DCAF6: variants seen among roughly 807,000 people sequenced by gnomAD.
DCAF6 encodes the protein DDB1- and CUL4-associated factor 6.
Under a neutral mutation model 125.1 loss-of-function variants are expected in DCAF6, and 54 were observed. That is an observed-to-expected ratio of 0.43 (90% CI 0.35 to 0.54). DCAF6 has a LOEUF of 0.54. Among genes scored for constraint, DCAF6 ranks in the 20% least tolerant of loss-of-function variants. DCAF6 has a pLI of 0.01. For missense variants in DCAF6, 934 were observed against 1,161.7 expected, an observed-to-expected ratio of 0.80 and a Z score of 2.85; for synonymous variants, 371 against 390.4, an observed-to-expected ratio of 0.95 and a Z score of 0.58.
the DCAF6 span, among the ~76,000 whole-genome samples, chr1:167,921,830 G>A: frequency 2.6e-5 from 4 of 152,018 alleles, no homozygotes; most frequent in African/African-American, 9.7e-5. Flanking sequence ...AAAAGATTTA[G>A]CTTTAAAAAA....
chr1:167,875,344 C>T, the DCAF6 span, among the ~76,000 whole-genome samples: 5 of 152,030 alleles, frequency 3.3e-5, no homozygotes, highest in East Asian at 1.9e-4. Flanking sequence ...GAAGGAGAAA[C>T]GAGAAGGTCT....
At chr1:167,893,256 T>C in the DCAF6 span, among the ~76,000 whole-genome samples, 13 of 152,316 alleles carry the variant, frequency 8.5e-5, no homozygotes, top group African/African-American at 2.2e-4. Flanking sequence ...ATAGAAAGGG[T>C]GCCCGCATGT....
chr1:167,995,128 A>G (rs1681457480), intron 7 of DCAF6, among the ~76,000 whole-genome samples: 1 of 152,190 alleles, frequency 6.6e-6, no homozygotes, highest in South Asian at 2.1e-4. Context: ...ACTGCTATGC[A>G]AATTTCCCCT....
chr1:167,988,506 A>C (rs772724789), intron 5 of DCAF6, among the ~76,000 whole-genome samples: 1 of 152,186 alleles, frequency 6.6e-6, no homozygotes, highest in Non-Finnish European at 1.5e-5. Flanking sequence ...CTGAGAAATC[A>C]TTCAGTCTTT....
At chr1:168,002,379 A>C (rs1682770579) in intron 7 of DCAF6, 103 bp from the exon 8 acceptor site, 1 of 974,792 alleles carries the variant, frequency 1.0e-6, no homozygotes, top group Non-Finnish European at 1.6e-6. Flanking sequence ...TTGCATACTC[A>C]AGAAGTAGGG....
At position 168,075,428 on chromosome 1, in the gene DCAF6, A is replaced by G; in HGVS notation, c.2849A>G (p.Glu950Gly). The G allele has an allele frequency of 6.3e-7, 1 of 1,598,642 alleles. No homozygotes were observed. Among genetic ancestry groups the G allele is most frequent in the Non-Finnish European group, 8.5e-7 (1 of 1,175,758 alleles). ...GGTCAAGAGAATGAAAATGAGGATG[A>G]GGAATAATAAACTCTTTTTGGCAAG... ...GSGQENENED[E>G]E The change falls in exon 22 of 22, where the codon GAG becomes GGG. Residue 950 changes from glutamate to glycine, a missense_variant. Around this residue, in one of 5 missense-constraint regions of DCAF6, gnomAD observed 36 missense variants for 39.8 expected, o/e 0.91. Transcript: ENST00000367840.
intron 7 of DCAF6, 149 bp from the exon 8 acceptor site, chr1:168,002,331 TTA>T: frequency 1.7e-6 from 1 of 603,284 alleles, no homozygotes; most frequent in Non-Finnish European, 2.9e-6. Flanking sequence ...AGACTGACGC[TTA>T]TACCAGTGTC....
At chr1:167,986,034 T>C (rs1237678524) in intron 4 of DCAF6, among the ~76,000 whole-genome samples, 1 of 152,240 alleles carries the variant, frequency 6.6e-6, no homozygotes, top group African/African-American at 2.4e-5. Context: ...TTTATGTTGC[T>C]GAGAATAGTA....
chr1:167,883,551 T>G, the DCAF6 span: 28 of 1,614,140 alleles, frequency 1.7e-5, no homozygotes, highest in South Asian at 2.2e-5. Flanking sequence ...TGTCTTGGTC[T>G]TCAAACATCA....
At chr1:168,039,876 A>G (rs1189328598) in intron 13 of DCAF6, among the ~76,000 whole-genome samples, 1 of 151,620 alleles carries the variant, frequency 6.6e-6, no homozygotes, top group African/African-American at 2.4e-5. Context: ...AAAATATTTG[A>G]TTAAGTAGGA....
At chr1:168,017,350 C>T (rs1685118996) in intron 11 of DCAF6, among the ~76,000 whole-genome samples, 1 of 151,484 alleles carries the variant, frequency 6.6e-6, no homozygotes, top group Non-Finnish European at 1.5e-5. Context: ...TTTTAAAATA[C>T]TAAAATTTAG....
chr1:167,947,211 G>T (rs572425868), intron 1 of DCAF6, among the ~76,000 whole-genome samples: 8 of 152,144 alleles, frequency 5.3e-5, no homozygotes, highest in Non-Finnish European at 7.4e-5. Context: ...GGAATCAGTT[G>T]TAATGTCTCC....
At chr1:168,031,605 A>G (rs1249665537) in intron 12 of DCAF6, among the ~76,000 whole-genome samples, 1 of 152,230 alleles carries the variant, frequency 6.6e-6, no homozygotes. Context: ...GTTCTCCTAA[A>G]CTGTCTACCT....
At chr1:168,068,805 A>C (rs1250199586) in intron 21 of DCAF6, among the ~76,000 whole-genome samples, 1 of 152,184 alleles carries the variant, frequency 6.6e-6, no homozygotes, top group African/African-American at 2.4e-5. Context: ...ACAGAAATAA[A>C]TGTGACATGC....
chr1:167,870,613 T>C, the DCAF6 span, among the ~76,000 whole-genome samples: 3 of 126,886 alleles, frequency 2.4e-5, no homozygotes, highest in Non-Finnish European at 4.7e-5. Context: ...GCCAACATGA[T>C]GAAACCCTGC....
At chr1:167,905,053 A>T in the DCAF6 span, 1 of 1,614,206 alleles carries the variant, frequency 6.2e-7, no homozygotes, top group Non-Finnish European at 8.5e-7. Flanking sequence ...CGCTCTGGGG[A>T]GAAATGTCCA....
chr1:168,061,186 A>T (rs1243571670), intron 17 of DCAF6, among the ~76,000 whole-genome samples: 2 of 152,144 alleles, frequency 1.3e-5, no homozygotes, highest in Non-Finnish European at 2.9e-5. Flanking sequence ...TGAACTAAAC[A>T]TGTCAGCTTT....
At chr1:167,886,312 A>G in the DCAF6 span, among the ~76,000 whole-genome samples, 1 of 152,248 alleles carries the variant, frequency 6.6e-6, no homozygotes, top group Admixed American at 6.5e-5. Flanking sequence ...ACAAGGCTAC[A>G]GTAACCAAAA....
chr1:167,935,875 G>T, upstream of DCAF6: 1 of 1,488,214 alleles, frequency 6.7e-7, no homozygotes, highest in Non-Finnish European at 9.2e-7. Context: ...CCGGGTGGGA[G>T]CGTGGCTGTG....
Sources: allele counts gnomAD v4.1 joint callset (sites outside exome capture counted in the v4.1 genomes callset), GRCh38; gene constraint gnomAD v4.1.1; regional missense constraint gnomAD v4.1.1; transcripts MANE v1.5; gene names NCBI Gene and HGNC (gene_info 2026-07-23, HGNC 2026-07-21).